VCL: variants seen among roughly 807,000 people sequenced by gnomAD.
VCL encodes the protein vinculin.
VCL carries 47 observed loss-of-function variants against 125.7 expected under a neutral mutation model. The ratio of observed to expected loss-of-function variants is 0.37; its 90% CI spans 0.30 to 0.48. The LOEUF is 0.48. Ranked by LOEUF, VCL falls within the 20% of genes least tolerant of loss-of-function variation. VCL has a pLI of 0.99. For synonymous variants in VCL, 458 were observed against 514.6 expected (o/e 0.89, Z 1.49); for missense variants, 1,069 against 1,455.5 (o/e 0.73, Z 4.32).
At chr10:74,026,584 A>G (rs1244461691) in intron 1 of VCL, among the ~76,000 whole-genome samples, 1 of 152,242 alleles carries the variant, frequency 6.6e-6, no homozygotes, top group Non-Finnish European at 1.5e-5. Flanking sequence ...ACAAACGAAT[A>G]TTGCAATGGC....
At chr10:74,003,332 G>A (rs1840265233) in intron 1 of VCL, among the ~76,000 whole-genome samples, 1 of 152,154 alleles carries the variant, frequency 6.6e-6, no homozygotes, top group South Asian at 2.1e-4. Flanking sequence ...GGAAAAATAG[G>A]AGAAGGGCAC....
chr10:74,055,883 G>A (rs1035126440), intron 2 of VCL, among the ~76,000 whole-genome samples: 1 of 152,138 alleles, frequency 6.6e-6, no homozygotes, highest in Non-Finnish European at 1.5e-5. Flanking sequence ...TTTGACAAGA[G>A]AATAAGGGAA....
At chr10:74,059,296 C>T (rs113069326) in intron 2 of VCL, among the ~76,000 whole-genome samples, 3,870 of 151,540 alleles carry the variant, frequency 0.026, 60 homozygotes, top group East Asian at 0.058. Flanking sequence ...GCAGAGTTTG[C>T]AGTGGGCTGA....
chr10:74,016,502 T>C (rs1591652162), intron 1 of VCL, among the ~76,000 whole-genome samples: 1 of 152,034 alleles, frequency 6.6e-6, no homozygotes, highest in African/African-American at 2.4e-5. Context: ...TCCCAGCTAC[T>C]TGGGAGGCTG....
chr10:74,072,795 G>C lies in VCL; in HGVS notation c.565G>C (p.Val189Leu), dbSNP rs151045204. 4 of 1,614,064 alleles carry C rather than the reference G, an allele frequency of 2.5e-6. No homozygotes were observed. Among genetic ancestry groups the C allele is most frequent in the African/African-American group, 2.7e-5 (2 of 74,918 alleles). The change falls in exon 5 of 22, where the codon GTG becomes CTG. Residue 189 changes from valine (V) to leucine (L), a missense_variant. Val to Leu is a conservative substitution (Grantham distance 32). This residue lies in a region of VCL where 760 missense variants were observed against 928.9 expected (regional missense o/e 0.82). Transcript: ENST00000211998. ...QQELTHQEHR[V>L]MLVNSMNTVK... is the part of the protein sequence containing the mutation. ...GGAGCTCACTCACCAGGAGCACCGA[G>C]TGATGTTGGTGAACTCGATGAACAC... is the stretch of plus-strand genomic sequence containing the variant.
chr10:74,090,280 T>C, intron 10 of VCL, 82 bp downstream of exon 10: 2 of 1,512,384 alleles, frequency 1.3e-6, no homozygotes, highest in South Asian at 1.1e-5. Context: ...CTTTCTTTCT[T>C]CCCCCAAGAA....
At chr10:74,054,862 A>T (rs1368855494) in intron 2 of VCL, among the ~76,000 whole-genome samples, 1 of 152,118 alleles carries the variant, frequency 6.6e-6, no homozygotes, top group Non-Finnish European at 1.5e-5. Context: ...TGGAGGTTGC[A>T]GTGAGCTGAG....
At chr10:74,078,055 T>A (rs1839619604) in intron 6 of VCL, among the ~76,000 whole-genome samples, 1 of 152,234 alleles carries the variant, frequency 6.6e-6, no homozygotes, top group African/African-American at 2.4e-5. Context: ...GTAAATTTAG[T>A]GCTCTACATT....
intron 2 of VCL, among the ~76,000 whole-genome samples, chr10:74,050,801 G>A (rs913380018): frequency 2.6e-5 from 4 of 152,024 alleles, no homozygotes; most frequent in Non-Finnish European, 5.9e-5. Context: ...TAATGTGGAT[G>A]CCCAAGTTCT....
chr10:74,000,208 T>G (rs1442245128), intron 1 of VCL, among the ~76,000 whole-genome samples: 1 of 152,098 alleles, frequency 6.6e-6, no homozygotes, highest in Non-Finnish European at 1.5e-5. Flanking sequence ...CAGTGAGGCT[T>G]TTTAGAAATT....
intron 1 of VCL, among the ~76,000 whole-genome samples, chr10:74,030,526 T>A (rs1159120660): frequency 6.6e-6 from 1 of 152,214 alleles, no homozygotes; most frequent in Non-Finnish European, 1.5e-5. Flanking sequence ...TGAGAATGGC[T>A]TCAGGAACTT....
chr10:74,114,976 A>G, intron 21 of VCL, 77 bp downstream of exon 21: 1 of 1,335,268 alleles, frequency 7.5e-7, no homozygotes, highest in East Asian at 2.5e-5. Flanking sequence ...GCTTTGGGGA[A>G]ATTTTACCCC....
At chr10:74,033,451 C>T (rs1564513636) in intron 1 of VCL, among the ~76,000 whole-genome samples, 1 of 152,154 alleles carries the variant, frequency 6.6e-6, no homozygotes, top group Non-Finnish European at 1.5e-5. Flanking sequence ...CATGGTTGCA[C>T]AACTCTGTGA....
chr10:74,081,998 G>A (rs1839683633), intron 6 of VCL, among the ~76,000 whole-genome samples: 1 of 152,166 alleles, frequency 6.6e-6, no homozygotes, highest in Non-Finnish European at 1.5e-5. Context: ...TCCAGTGTGT[G>A]CATTTCAAAA....
chr10:74,032,614 C>T (rs1372315599), intron 1 of VCL, among the ~76,000 whole-genome samples: 1 of 151,628 alleles, frequency 6.6e-6, no homozygotes, highest in African/African-American at 2.4e-5. Context: ...GCAGGAGAAT[C>T]GCTTGAACCC....
intron 1 of VCL, among the ~76,000 whole-genome samples, chr10:74,023,272 CA>C (rs1014900738): frequency 3.3e-5 from 5 of 152,310 alleles, no homozygotes; most frequent in Admixed American, 6.5e-5. Flanking sequence ...AATCGTGTTA[CA>C]GTTGCCTACA....
chr10:74,092,803 G>A (rs557763938), intron 10 of VCL, among the ~76,000 whole-genome samples: 309 of 152,166 alleles, frequency 2.0e-3, no homozygotes, highest in Middle Eastern at 0.01. Context: ...AATTGGAATC[G>A]CTTTTGATGG....
At chr10:74,099,884 G>A (rs553763392) in intron 13 of VCL, among the ~76,000 whole-genome samples, 15 of 152,312 alleles carry the variant, frequency 9.8e-5, no homozygotes, top group South Asian at 4.1e-4. Context: ...AGAGGCTGGC[G>A]TGGGGAAGAG....
At chr10:74,110,211 G>A (rs1338598728) in intron 18 of VCL, among the ~76,000 whole-genome samples, 1 of 152,124 alleles carries the variant, frequency 6.6e-6, no homozygotes, top group African/African-American at 2.4e-5. Flanking sequence ...CTGTGCATGG[G>A]GAGTGGGGGA....
Sources: allele counts gnomAD v4.1 joint callset (sites outside exome capture counted in the v4.1 genomes callset), GRCh38; gene constraint gnomAD v4.1.1; regional missense constraint gnomAD v4.1.1; transcripts MANE v1.5; gene names NCBI Gene and HGNC (gene_info 2026-07-23, HGNC 2026-07-21).